Variants in BMPR1A observed in about 807,000 individuals in gnomAD.
BMPR1A encodes the protein bone morphogenetic protein receptor type 1A.
In BMPR1A, 7 loss-of-function variants were observed where a neutral mutation model predicts 66.0. The ratio of observed to expected loss-of-function variants is 0.11; its 90% CI spans 0.06 to 0.20. The LOEUF (loss-of-function observed/expected upper bound fraction) is 0.20, where lower values mean the gene tolerates loss of function less well. BMPR1A is among the 10% of genes least tolerant of loss of function. The pLI is 1.00. For missense variants in BMPR1A, 408 were observed against 669.1 expected, an observed-to-expected ratio of 0.61 and a Z score of 4.31; for synonymous variants, 200 against 229.7, an observed-to-expected ratio of 0.87 and a Z score of 1.17.
intron 8 of BMPR1A, among the ~76,000 whole-genome samples, chr10:86,916,482 A>G (rs1843569236): frequency 6.6e-6 from 1 of 152,208 alleles, no homozygotes; most frequent in Non-Finnish European, 1.5e-5. Flanking sequence ...GCCCCAGTCC[A>G]CAAACATTTG....
At chr10:86,841,113 G>C (rs1418079954) in intron 2 of BMPR1A, among the ~76,000 whole-genome samples, 4 of 152,144 alleles carry the variant, frequency 2.6e-5, no homozygotes, top group Admixed American at 1.3e-4. Context: ...GCCTTCATCT[G>C]TCCATTTCTT....
intron 2 of BMPR1A, among the ~76,000 whole-genome samples, chr10:86,862,214 G>A (rs2133239419): frequency 6.6e-6 from 1 of 152,318 alleles, no homozygotes; most frequent in Non-Finnish European, 1.5e-5. Context: ...CTAGGCATGG[G>A]GATGGGATTA....
At chr10:86,870,915 G>A (rs1191626171) in intron 2 of BMPR1A, among the ~76,000 whole-genome samples, 1 of 151,870 alleles carries the variant, frequency 6.6e-6, no homozygotes, top group African/African-American at 2.4e-5. Flanking sequence ...AGTCCATTAC[G>A]TAGAAGTCAG....
intron 2 of BMPR1A, among the ~76,000 whole-genome samples, chr10:86,875,103 T>C (rs1326881103): frequency 1.3e-5 from 2 of 151,940 alleles, no homozygotes; most frequent in Non-Finnish European, 2.9e-5. Flanking sequence ...CCTGGCATGG[T>C]GACTCACACC....
chr10:86,815,661 A>T (rs895651583), intron 1 of BMPR1A, among the ~76,000 whole-genome samples: 1 of 152,200 alleles, frequency 6.6e-6, no homozygotes, highest in African/African-American at 2.4e-5. Flanking sequence ...TGGTTTAAAA[A>T]TCTGTATATG....
chr10:86,764,085 C>T, intron 1 of BMPR1A, among the ~76,000 whole-genome samples: 1 of 152,236 alleles, frequency 6.6e-6, no homozygotes, highest in East Asian at 1.9e-4. Flanking sequence ...GCCACCACAT[C>T]TGGCTGACTT....
At chr10:86,921,861 A>G (rs1843670087) in intron 11 of BMPR1A, among the ~76,000 whole-genome samples, 166 bp downstream of exon 11, 1 of 152,242 alleles carries the variant, frequency 6.6e-6, no homozygotes, top group African/African-American at 2.4e-5. Flanking sequence ...TGTAATAATC[A>G]CATCTTGGAG....
intron 1 of BMPR1A, among the ~76,000 whole-genome samples, chr10:86,803,286 G>T: frequency 6.6e-6 from 1 of 152,060 alleles, no homozygotes. Flanking sequence ...TCACTTTGTT[G>T]CCCAGGCTGA....
chr10:86,788,380 A>G (rs1454968504), intron 1 of BMPR1A, among the ~76,000 whole-genome samples: 1 of 152,158 alleles, frequency 6.6e-6, no homozygotes, highest in Non-Finnish European at 1.5e-5. Flanking sequence ...TATTTACACA[A>G]TTGAAATATA....
At chr10:86,766,027 C>T (rs1479061110) in intron 1 of BMPR1A, among the ~76,000 whole-genome samples, 2 of 128,618 alleles carry the variant, frequency 1.6e-5, no homozygotes, top group African/African-American at 2.6e-5. Flanking sequence ...GTTCTGTTGC[C>T]CAGGCTGCAG....
At chr10:86,822,022 G>A (rs779234595) in intron 1 of BMPR1A, among the ~76,000 whole-genome samples, 2 of 152,088 alleles carry the variant, frequency 1.3e-5, no homozygotes, top group East Asian at 1.9e-4. Flanking sequence ...GGCTGGTCTC[G>A]AACTGCATGT....
intron 8 of BMPR1A, among the ~76,000 whole-genome samples, chr10:86,916,218 A>G (rs777667114): frequency 6.6e-6 from 1 of 152,232 alleles, no homozygotes; most frequent in Non-Finnish European, 1.5e-5. Flanking sequence ...ACCAGGCCAG[A>G]TCAGGCAGGG....
intron 2 of BMPR1A, among the ~76,000 whole-genome samples, chr10:86,853,528 T>G (rs896160734): frequency 6.6e-6 from 1 of 152,208 alleles, no homozygotes; most frequent in African/African-American, 2.4e-5. Context: ...ATTTAACAAT[T>G]ATCTCTTCAT....
At chr10:86,931,314 T>TATATATATATATATATATATATA (rs71019438), downstream of BMPR1A, 2 of 107,474 alleles carry the variant, frequency 1.9e-5, no homozygotes, top group African/African-American at 1.0e-4. Flanking sequence ...TATATATATA[T>TATATATATATATATATATATATA]TCAAGCAATG....
chr10:86,864,368 T>C (rs551667043), intron 2 of BMPR1A, among the ~76,000 whole-genome samples: 3 of 152,224 alleles, frequency 2.0e-5, no homozygotes, highest in Non-Finnish European at 4.4e-5. Flanking sequence ...TTGCTCTCGG[T>C]ACTGGAATAA....
chr10:86,768,316 CTG>C (rs910730835), intron 1 of BMPR1A, among the ~76,000 whole-genome samples: 9 of 152,228 alleles, frequency 5.9e-5, no homozygotes, highest in Admixed American at 1.3e-4. Context: ...ATTAAAAAAA[CTG>C]TTATCCAAAA....
chr10:86,792,136 C>G (rs1841637167), intron 1 of BMPR1A, among the ~76,000 whole-genome samples: 1 of 127,032 alleles, frequency 7.9e-6, no homozygotes, highest in Non-Finnish European at 1.6e-5. Context: ...GGCATGATCT[C>G]TGCTCACTGC....
intron 2 of BMPR1A, chr10:86,855,359 G>T (rs1428187121): frequency 1.2e-6 from 1 of 860,358 alleles, no homozygotes; most frequent in Non-Finnish European, 1.8e-6. Context: ...GGACACACCT[G>T]CACTGAACTA....
intron 5 of BMPR1A, among the ~76,000 whole-genome samples, chr10:86,893,565 G>A (rs1040735698): frequency 1.3e-5 from 2 of 152,146 alleles, no homozygotes; most frequent in African/African-American, 4.8e-5. Context: ...CGAGGCGGGT[G>A]GATCACGAGG....
Sources: allele counts gnomAD v4.1 joint callset (sites outside exome capture counted in the v4.1 genomes callset), GRCh38; gene constraint gnomAD v4.1.1; transcripts MANE v1.5; gene names NCBI Gene and HGNC (gene_info 2026-07-23, HGNC 2026-07-21).